DIPK1A: variants seen among roughly 807,000 people sequenced by gnomAD.
DIPK1A encodes family with sequence similarity 69 member A.
DIPK1A carries 27 observed loss-of-function variants against 40.8 expected under a neutral mutation model. The observed-to-expected ratio is 0.66, with a 90% confidence interval of 0.49 to 0.91. The LOEUF (loss-of-function observed/expected upper bound fraction) is 0.91, where lower values mean the gene tolerates loss of function less well. DIPK1A is among the 40% of genes least tolerant of loss of function. DIPK1A has a pLI of 0.00. For missense variants in DIPK1A, 412 were observed against 505.7 expected (o/e 0.81, Z 1.78); for synonymous variants, 166 against 171.3 (o/e 0.97, Z 0.24).
intron 2 of DIPK1A, among the ~76,000 whole-genome samples, chr1:92,857,997 G>T (rs538206116): frequency 6.6e-6 from 1 of 152,300 alleles, no homozygotes; most frequent in East Asian, 1.9e-4. Flanking sequence ...TCACAACAGG[G>T]CTAGGACTTT....
intron 1 of DIPK1A, among the ~76,000 whole-genome samples, chr1:92,945,892 G>T (rs551508163): frequency 6.6e-6 from 1 of 152,180 alleles, no homozygotes. Flanking sequence ...AACTGTGGCC[G>T]ATGGACAGTG....
chr1:92,925,481 T>C (rs1650452955), intron 1 of DIPK1A, among the ~76,000 whole-genome samples: 1 of 152,082 alleles, frequency 6.6e-6, no homozygotes, highest in Non-Finnish European at 1.5e-5. Context: ...ATTCAGTTTT[T>C]TGGGGTTTTT....
chr1:92,952,497 G>A (rs1651672711), intron 1 of DIPK1A, among the ~76,000 whole-genome samples: 1 of 152,108 alleles, frequency 6.6e-6, no homozygotes, highest in Non-Finnish European at 1.5e-5. Flanking sequence ...GCACAGGCCT[G>A]TGGGCCCAGC....
At chr1:92,959,903 C>CATT (rs1651998956) in intron 1 of DIPK1A, among the ~76,000 whole-genome samples, 2 of 47,892 alleles carry the variant, frequency 4.2e-5, no homozygotes, top group African/African-American at 2.2e-4. Context: ...ACCCAACCAA[C>CATT]TTTTTTTTTT....
chr1:92,918,619 T>C (rs1325759798), intron 1 of DIPK1A, among the ~76,000 whole-genome samples: 1 of 152,212 alleles, frequency 6.6e-6, no homozygotes, highest in Non-Finnish European at 1.5e-5. Context: ...ATCATTCCTA[T>C]AACTCCATCA....
intron 1 of DIPK1A, among the ~76,000 whole-genome samples, chr1:92,937,557 T>C (rs1262591083): frequency 1.3e-5 from 2 of 152,174 alleles, no homozygotes; most frequent in Non-Finnish European, 2.9e-5. Context: ...TGGGCTAGGA[T>C]TGGAATTCAT....
rs752898800 is a variant in DIPK1A at position 92,961,430 on chromosome 1, G to A, written c.-1C>T. Reference sequence around the variant, plus strand: ...CCCCCGGACAGAGACTCCTCGCCATGGTAATCACACATCGCCCCGCCGCGC... The same window carrying A: ...CCCCCGGACAGAGACTCCTCGCCATAGTAATCACACATCGCCCCGCCGCGC... On this transcript the variant is annotated 5_prime_UTR_variant, in exon 1 of 5. Coordinates refer to ENST00000370310, the MANE Select transcript of DIPK1A (RefSeq NM_001006605.5). The A allele has an allele frequency of 2.0e-6, 3 of 1,511,616 alleles. No individual in the cohort carries two copies. Among genetic ancestry groups the A allele is most frequent in the Non-Finnish European group, 2.7e-6 (3 of 1,126,406 alleles). 93.6% of individuals were successfully genotyped at this position (1,511,616 alleles called of 1,614,324 possible). A position where few individuals can be genotyped will look rare whatever the true frequency, so the allele number is the denominator to read the frequency against.
At chr1:92,862,384 G>C (rs1352236407) in intron 2 of DIPK1A, among the ~76,000 whole-genome samples, 1 of 152,198 alleles carries the variant, frequency 6.6e-6, no homozygotes, top group East Asian at 1.9e-4. Flanking sequence ...GGCACCGAGG[G>C]AGGAAGCAGT....
chr1:92,927,969 A>G (rs905745047), intron 1 of DIPK1A, among the ~76,000 whole-genome samples: 1 of 152,190 alleles, frequency 6.6e-6, no homozygotes, highest in Admixed American at 6.5e-5. Context: ...CACTGGGTAT[A>G]TATCTAGGAG....
intron 1 of DIPK1A, among the ~76,000 whole-genome samples, chr1:92,885,401 C>T (rs960760071): frequency 1.1e-4 from 16 of 152,046 alleles, no homozygotes; most frequent in African/African-American, 3.9e-4. Context: ...AGGAGTCTCA[C>T]TCTGTCTCCC....
rs145303783 is a variant in DIPK1A, at chr1:92,888,052, C to T, written c.55-11622G>A. On this transcript the variant is annotated intron_variant, in intron 1 of 4. Transcript: ENST00000370310. ...CTTTGTATTTGGAACATTCAAAATC[C>T]TCTCCTCTACTATTGGAAAATATAC... Among the ~76,000 whole-genome samples, 261 of 151,946 alleles carry T rather than the reference C, an allele frequency of 1.7e-3. 1 individual carries two copies. The highest frequency in any genetic ancestry group is 5.6e-3 in the African/African-American group (231 of 41,448).
At chr1:92,875,338 A>G (rs1648069733) in intron 2 of DIPK1A, among the ~76,000 whole-genome samples, 1 of 152,178 alleles carries the variant, frequency 6.6e-6, no homozygotes, top group South Asian at 2.1e-4. Flanking sequence ...AATCTTTAAC[A>G]AGTTATAATA....
At chr1:92,837,169 C>T (rs1687162499), downstream of DIPK1A, 1 of 533,308 alleles carries the variant, frequency 1.9e-6, no homozygotes, top group South Asian at 1.7e-5. Flanking sequence ...AGTTTTGAAA[C>T]TCCTTCCTGT....
At chr1:92,936,105 C>T (rs757912515) in intron 1 of DIPK1A, among the ~76,000 whole-genome samples, 6 of 151,606 alleles carry the variant, frequency 4.0e-5, no homozygotes, top group Non-Finnish European at 8.8e-5. Flanking sequence ...AACAAAAGAA[C>T]AACAATAAGA....
chr1:92,881,602 G>C (rs1311922710), intron 1 of DIPK1A, among the ~76,000 whole-genome samples: 1 of 152,126 alleles, frequency 6.6e-6, no homozygotes, highest in Non-Finnish European at 1.5e-5. Context: ...CATTGCATGG[G>C]GTGACTCTCA....
chr1:92,956,985 C>T (rs1305910953), intron 1 of DIPK1A, among the ~76,000 whole-genome samples: 1 of 152,170 alleles, frequency 6.6e-6, no homozygotes, highest in Non-Finnish European at 1.5e-5. Context: ...TCATATGCAA[C>T]AGAACACATA....
chr1:92,899,731 G>GT (rs1271139426), intron 1 of DIPK1A, among the ~76,000 whole-genome samples: 1 of 152,064 alleles, frequency 6.6e-6, no homozygotes, highest in Non-Finnish European at 1.5e-5. Flanking sequence ...TGCTCTACAA[G>GT]TTTTTTACTT....
At chr1:92,878,746 G>A (rs1306096638) in intron 1 of DIPK1A, among the ~76,000 whole-genome samples, 2 of 152,026 alleles carry the variant, frequency 1.3e-5, no homozygotes, top group African/African-American at 4.8e-5. Context: ...CGTGAACCCC[G>A]GGGGGCGGAG....
intron 1 of DIPK1A, among the ~76,000 whole-genome samples, chr1:92,924,529 G>A (rs1016957003): frequency 6.6e-6 from 1 of 152,126 alleles, no homozygotes; most frequent in Non-Finnish European, 1.5e-5. Context: ...TTGGAAGAAG[G>A]AGTCAGGGGG....
Sources: allele counts gnomAD v4.1 joint callset (sites outside exome capture counted in the v4.1 genomes callset), GRCh38; gene constraint gnomAD v4.1.1; transcripts MANE v1.5; gene names NCBI Gene and HGNC (gene_info 2026-07-23, HGNC 2026-07-21).